Variants in ROR1 observed in about 807,000 individuals in gnomAD.
ROR1 encodes the protein ROR family WNT receptor 1.
Under a neutral mutation model 78.8 loss-of-function variants are expected in ROR1, and 19 were observed. The ratio of observed to expected loss-of-function variants is 0.24; its 90% confidence interval spans 0.17 to 0.35. ROR1 has a LOEUF of 0.35. ROR1 is among the 10% of genes least tolerant of loss of function. ROR1 has a pLI of 1.00. For missense variants in ROR1, 917 were observed against 1,177.8 expected, an observed-to-expected ratio of 0.78 and a Z score of 3.24; for synonymous variants, 386 against 433.6, an observed-to-expected ratio of 0.89 and a Z score of 1.36.
At chr1:64,172,173 A>G (rs899950234) in intron 8 of ROR1, among the ~76,000 whole-genome samples, 1 of 152,210 alleles carries the variant, frequency 6.6e-6, no homozygotes, top group African/African-American at 2.4e-5. Flanking sequence ...GTCATGACTA[A>G]GGTGAAAAAA....
chr1:64,167,357 T>C (rs1418645490), intron 8 of ROR1, among the ~76,000 whole-genome samples: 2 of 152,180 alleles, frequency 1.3e-5, no homozygotes, highest in African/African-American at 4.8e-5. Flanking sequence ...AAAGTTACGT[T>C]ATAGAGAAAA....
intron 1 of ROR1, among the ~76,000 whole-genome samples, chr1:63,914,251 T>C (rs999888528): frequency 6.6e-6 from 1 of 152,246 alleles, no homozygotes; most frequent in Admixed American, 6.5e-5. Context: ...GCTTTCTAGC[T>C]GTGACAAATT....
chr1:63,954,474 C>T (rs114885056), intron 1 of ROR1, among the ~76,000 whole-genome samples: 339 of 152,308 alleles, frequency 2.2e-3, no homozygotes, highest in Middle Eastern at 6.8e-3. Context: ...ATATTCAGGA[C>T]AGCTAGCAAT....
rs374261469 is a variant in ROR1, at chr1:63,929,527, T to C, written c.92-79778T>C. Among the ~76,000 whole-genome samples the C allele has an allele frequency of 1.3e-4, 20 of 152,288 alleles. No homozygotes were observed. The East Asian group carries it at 3.3e-3, about 25-fold the overall frequency. ...ACTCACATATTAGATTAGGAGCCCC[T>C]TGAGGGCAGAGACCATGGAAAAGCA... On this transcript the variant is annotated intron_variant, in intron 1 of 8. Transcript: ENST00000371079.
Position 64,137,616 on chromosome 1 carries a change from C to T in ROR1, c.610+120C>T, listed in dbSNP as rs982869988. 8.2e-6 allele frequency: 7 copies of T among 852,350 alleles called. No individual in the cohort carries two copies. In the African/African-American group the frequency reaches 1.2e-4, roughly 15 times the overall value. 52.8% of individuals were successfully genotyped at this position (852,350 alleles called of 1,614,324 possible). On this transcript the variant is annotated intron_variant, in intron 5 of 8. Coordinates refer to ENST00000371079, the MANE Select transcript of ROR1 (RefSeq NM_005012.4). ...TCAGCATGGAGGTTGGGAGCAGGAC[C>T]ATAAAAAAGCATGAGACATGATCTC... is the stretch of plus-strand genomic sequence containing the variant.
intron 1 of ROR1, among the ~76,000 whole-genome samples, chr1:63,936,298 G>A (rs1449766076): frequency 6.6e-6 from 1 of 152,180 alleles, no homozygotes; most frequent in Non-Finnish European, 1.5e-5. Flanking sequence ...GTTTATCAAA[G>A]CTAAGCAAGG....
intron 1 of ROR1, among the ~76,000 whole-genome samples, chr1:63,906,783 C>T (rs1294747762): frequency 6.6e-6 from 1 of 152,212 alleles, no homozygotes; most frequent in Non-Finnish European, 1.5e-5. Context: ...AAATACCATT[C>T]TCCATTTTGC....
At chr1:63,887,932 G>A (rs527777012) in intron 1 of ROR1, among the ~76,000 whole-genome samples, 1 of 152,280 alleles carries the variant, frequency 6.6e-6, no homozygotes, top group South Asian at 2.1e-4. Flanking sequence ...ACCTTGAGAT[G>A]TGTACCATTT....
At chr1:63,780,539 A>G (rs1340006796) in intron 1 of ROR1, among the ~76,000 whole-genome samples, 1 of 152,238 alleles carries the variant, frequency 6.6e-6, no homozygotes, top group Non-Finnish European at 1.5e-5. Flanking sequence ...CACCATCATT[A>G]TCAAGGGCTT....
intron 1 of ROR1, among the ~76,000 whole-genome samples, chr1:63,943,674 C>A (rs561358425): frequency 2.6e-5 from 4 of 152,326 alleles, no homozygotes; most frequent in Non-Finnish European, 5.9e-5. Context: ...GCTGGCTGGT[C>A]ACATTTGCAG....
At chr1:64,038,921 C>T (rs1317441600) in intron 2 of ROR1, among the ~76,000 whole-genome samples, 1 of 152,156 alleles carries the variant, frequency 6.6e-6, no homozygotes, top group Non-Finnish European at 1.5e-5. Flanking sequence ...TTGTCTCTTG[C>T]TACAAAGAAA....
At chr1:64,174,311 T>C (rs1027676131) in intron 8 of ROR1, among the ~76,000 whole-genome samples, 1 of 152,198 alleles carries the variant, frequency 6.6e-6, no homozygotes, top group Non-Finnish European at 1.5e-5. Context: ...CACAGGATCA[T>C]GGTGTTAAAT....
intron 1 of ROR1, among the ~76,000 whole-genome samples, chr1:63,853,037 T>C (rs888141801): frequency 6.6e-6 from 1 of 152,180 alleles, no homozygotes; most frequent in African/African-American, 2.4e-5. Context: ...AAGACTGAGA[T>C]GTTGTATCAT....
chr1:64,060,386 A>C (rs567786340), intron 4 of ROR1, among the ~76,000 whole-genome samples: 2 of 152,336 alleles, frequency 1.3e-5, no homozygotes, highest in African/African-American at 4.8e-5. Flanking sequence ...CCCCAACCAG[A>C]GACCTTGAAG....
At chr1:64,091,829 T>G (rs76031494) in intron 4 of ROR1, among the ~76,000 whole-genome samples, 2,812 of 152,268 alleles carry the variant, frequency 0.018, 83 homozygotes, top group African/African-American at 0.065. Flanking sequence ...AAACTGAGTT[T>G]CTCAAAGATC....
chr1:63,776,629 G>A (rs1351233551), intron 1 of ROR1, among the ~76,000 whole-genome samples: 1 of 152,186 alleles, frequency 6.6e-6, no homozygotes, highest in Non-Finnish European at 1.5e-5. Flanking sequence ...CTTAGGTCAG[G>A]CAGGCCCAGG....
At position 63,785,235 on chromosome 1, in the gene ROR1, T is replaced by G. The variant is rs1644676796; in HGVS notation, c.91+10727T>G. Reference sequence around the variant, plus strand: ...ACTCCAACTGGGGTGTTTCAAAGTTTTTACATAATTTTCACACCCCCTGGA... The same window carrying G: ...ACTCCAACTGGGGTGTTTCAAAGTTGTTACATAATTTTCACACCCCCTGGA... On this transcript the variant is annotated intron_variant, in intron 1 of 8. Coordinates refer to ENST00000371079, the MANE Select transcript of ROR1 (RefSeq NM_005012.4). 2.0e-5 allele frequency among the ~76,000 whole-genome samples: 3 copies of G among 152,200 alleles called. No homozygotes were observed. In the South Asian group the frequency reaches 6.2e-4, roughly 31 times the overall value.
intron 7 of ROR1, chr1:64,143,367 G>GAAAA: frequency 8.3e-6 from 7 of 838,488 alleles, no homozygotes; most frequent in Non-Finnish European, 1.0e-5. Flanking sequence ...CCAAAAAAAA[G>GAAAA]AAAAAAAAAA....
chr1:63,820,066 GT>G (rs1303614207), intron 1 of ROR1, among the ~76,000 whole-genome samples: 1 of 152,192 alleles, frequency 6.6e-6, no homozygotes. Flanking sequence ...GGCAAAGGTG[GT>G]TAACTTTTTG....
Sources: gnomAD v4.1 joint callset for allele counts (sites outside exome capture counted in the v4.1 genomes callset) on GRCh38, gnomAD v4.1.1 for gene constraint, MANE v1.5 for transcripts, NCBI Gene and HGNC (gene_info 2026-07-23, HGNC 2026-07-21) for gene names.